The following NWD2 variants were observed in gnomAD, a reference collection of about 807,000 sequenced individuals.
NWD2 encodes the protein NACHT and WD repeat domain-containing protein 2.
A neutral mutation model predicts 132.7 loss-of-function variants in NWD2; 37 were observed. The ratio of observed to expected loss-of-function variants is 0.28; its 90% CI spans 0.21 to 0.37. The LOEUF (loss-of-function observed/expected upper bound fraction) is 0.37, where lower values mean the gene tolerates loss of function less well. Among genes scored for constraint, NWD2 ranks in the 10% least tolerant of loss-of-function variants. The pLI is 1.00. For missense variants in NWD2, 1,592 were observed against 2,122.4 expected, an observed-to-expected ratio of 0.75 and a Z score of 4.91; for synonymous variants, 705 against 803.0, an observed-to-expected ratio of 0.88 and a Z score of 2.06.
chr4:37,291,284 C>CTG (rs908014210), intron 1 of NWD2, among the ~76,000 whole-genome samples: 12 of 151,972 alleles, frequency 7.9e-5, no homozygotes, highest in Non-Finnish European at 1.6e-4. Context: ...CTAAGGATTG[C>CTG]TGTGGGACTT....
chr4:37,253,877 A>C (rs1216917130), intron 1 of NWD2, among the ~76,000 whole-genome samples: 1 of 152,246 alleles, frequency 6.6e-6, no homozygotes, highest in Non-Finnish European at 1.5e-5. Flanking sequence ...AGTAACAGGA[A>C]GTAATTAGGT....
At chr4:37,277,406 CTA>C (rs1432063314) in intron 1 of NWD2, among the ~76,000 whole-genome samples, 3 of 151,914 alleles carry the variant, frequency 2.0e-5, no homozygotes, top group Non-Finnish European at 2.9e-5. Context: ...ACATAGTTTG[CTA>C]TGTTTGATGT....
At chr4:37,261,453 A>G (rs1717634137) in intron 1 of NWD2, among the ~76,000 whole-genome samples, 2 of 152,218 alleles carry the variant, frequency 1.3e-5, no homozygotes, top group Non-Finnish European at 2.9e-5. Flanking sequence ...AAGGATTACT[A>G]TCACAAGTAA....
chr4:37,329,285 G>A lies in NWD2; in HGVS notation c.240+3261G>A, dbSNP rs1052204656. 2.0e-5 allele frequency among the ~76,000 whole-genome samples: 3 copies of A among 150,794 alleles called. No individual in the cohort carries two copies. The East Asian group carries it at 5.8e-4, about 29-fold the overall frequency. On this transcript the variant is annotated intron_variant, in intron 2 of 6. Coordinates refer to ENST00000309447, the MANE Select transcript of NWD2 (RefSeq NM_001144990.2). Reference sequence around the variant, plus strand: ...GCAAACCAACCAGACCCTCTTCTGAGGAGCTTCTAACATTGTTAGGAGAGG... The same window carrying A: ...GCAAACCAACCAGACCCTCTTCTGAAGAGCTTCTAACATTGTTAGGAGAGG...
At chr4:37,427,132 C>A (rs1279921540) in intron 3 of NWD2, among the ~76,000 whole-genome samples, 1 of 151,854 alleles carries the variant, frequency 6.6e-6, no homozygotes, top group African/African-American at 2.4e-5. Context: ...GCCTGTCTAC[C>A]TGGTCCTCCA....
intron 1 of NWD2, among the ~76,000 whole-genome samples, chr4:37,270,573 A>G (rs1717850100): frequency 6.6e-6 from 1 of 151,592 alleles, no homozygotes; most frequent in South Asian, 2.1e-4. Context: ...AAACATCCAG[A>G]TATTCACGTT....
chr4:37,283,592 C>T (rs1218836687), intron 1 of NWD2, among the ~76,000 whole-genome samples: 1 of 152,170 alleles, frequency 6.6e-6, no homozygotes, highest in Non-Finnish European at 1.5e-5. Flanking sequence ...AGTGATTTAA[C>T]TCTTAACAGG....
Position 37,262,037 on chromosome 4 carries a change from A to G in NWD2, c.151+16819A>G, listed in dbSNP as rs193181372. On this transcript the variant is annotated intron_variant, in intron 1 of 6. Coordinates refer to ENST00000309447, the MANE Select transcript of NWD2 (RefSeq NM_001144990.2). ...AGATGGAGACAAAGGTGATTTTCAA[A>G]AAAATGTAATGCCCCTGTGTGGCAG... Among the ~76,000 whole-genome samples the G allele has an allele frequency of 1.2e-3, 176 of 152,326 alleles. 1 individual carries two copies. The highest frequency in any genetic ancestry group is 3.8e-3 in the African/African-American group (160 of 41,582).
chr4:37,352,954 G>A (rs770519253), intron 2 of NWD2, among the ~76,000 whole-genome samples: 8 of 152,230 alleles, frequency 5.3e-5, no homozygotes, highest in Non-Finnish European at 8.8e-5. Context: ...AGTGTCAATC[G>A]TCTTTACAAT....
chr4:37,245,563 T>A (rs1456794530), intron 1 of NWD2, among the ~76,000 whole-genome samples: 16 of 142,318 alleles, frequency 1.1e-4, no homozygotes, highest in Admixed American at 4.2e-4. Flanking sequence ...TTTTTTTTTT[T>A]AAAGCGGTTT....
intron 2 of NWD2, among the ~76,000 whole-genome samples, chr4:37,336,800 G>T (rs7699916): frequency 6.6e-6 from 1 of 151,588 alleles, no homozygotes; most frequent in Non-Finnish European, 1.5e-5. Context: ...TTAGCCAGGC[G>T]TGCTGGTGGG....
chr4:37,435,037 C>G (rs554251228), intron 5 of NWD2, among the ~76,000 whole-genome samples: 1 of 152,294 alleles, frequency 6.6e-6, no homozygotes, highest in African/African-American at 2.4e-5. Flanking sequence ...CCATACCAAG[C>G]ATTCTGCGTA....
chr4:37,382,866 T>A (rs1448488592), intron 3 of NWD2, among the ~76,000 whole-genome samples: 1 of 151,320 alleles, frequency 6.6e-6, no homozygotes, highest in Non-Finnish European at 1.5e-5. Flanking sequence ...AATTTTTGGA[T>A]TTTTTTTAGT....
At chr4:37,263,795 A>G (rs1717697105) in intron 1 of NWD2, among the ~76,000 whole-genome samples, 1 of 152,194 alleles carries the variant, frequency 6.6e-6, no homozygotes, top group South Asian at 2.1e-4. Flanking sequence ...CTGATAGACT[A>G]GAACTGGCTG....
At chr4:37,397,263 A>G (rs1480039165) in intron 3 of NWD2, among the ~76,000 whole-genome samples, 2 of 152,186 alleles carry the variant, frequency 1.3e-5, no homozygotes, top group South Asian at 2.1e-4. Context: ...GTTTAGGGAA[A>G]GTCCTTGTGA....
intron 3 of NWD2, among the ~76,000 whole-genome samples, chr4:37,391,415 G>A (rs1209045774): frequency 6.6e-6 from 1 of 152,158 alleles, no homozygotes; most frequent in African/African-American, 2.4e-5. Context: ...GGAAGGAGTG[G>A]GTGTATTTTG....
intron 3 of NWD2, among the ~76,000 whole-genome samples, chr4:37,363,428 A>G (rs1720022833): frequency 6.6e-6 from 1 of 152,248 alleles, no homozygotes; most frequent in African/African-American, 2.4e-5. Flanking sequence ...AATATGGTAC[A>G]TAAACACCAT....
intron 1 of NWD2, among the ~76,000 whole-genome samples, chr4:37,324,187 A>G (rs574747886): frequency 1.3e-5 from 2 of 152,260 alleles, no homozygotes; most frequent in Non-Finnish European, 2.9e-5. Flanking sequence ...TAGGTACTAA[A>G]TTTCTCTTAT....
intron 1 of NWD2, among the ~76,000 whole-genome samples, chr4:37,302,328 A>T (rs937560614): frequency 6.7e-6 from 1 of 149,744 alleles, no homozygotes; most frequent in East Asian, 2.0e-4. Context: ...TCTATTGAGT[A>T]TATTTACCAT....
Sources: gnomAD v4.1 joint callset for allele counts (sites outside exome capture counted in the v4.1 genomes callset) on GRCh38, gnomAD v4.1.1 for gene constraint, MANE v1.5 for transcripts, NCBI Gene and HGNC (gene_info 2026-07-23, HGNC 2026-07-21) for gene names.